Variants in ADGRV1 observed in about 807,000 individuals in gnomAD.
ADGRV1 encodes G-protein coupled receptor 98.
Under a neutral mutation model 596.2 loss-of-function variants are expected in ADGRV1, and 359 were observed. That is an observed-to-expected ratio of 0.60 (90% confidence interval 0.55 to 0.66). The LOEUF is 0.66. Among genes scored for constraint, ADGRV1 ranks in the 30% least tolerant of loss-of-function variants. ADGRV1 has a pLI of 0.00. For synonymous variants in ADGRV1, 2,681 were observed against 2,679.2 expected, an observed-to-expected ratio of 1.00 and a Z score of -0.02; for missense variants, 7,274 against 7,575.6, an observed-to-expected ratio of 0.96 and a Z score of 1.48.
chr5:90,653,153 T>G, intron 19 of ADGRV1, 56 bp from the exon 20 acceptor site: 1 of 1,431,564 alleles, frequency 7.0e-7, no homozygotes, highest in Non-Finnish European at 9.3e-7. Flanking sequence ...TTCTTCACAT[T>G]ATACTAGAAA....
intron 73 of ADGRV1, among the ~76,000 whole-genome samples, chr5:90,808,282 G>A (rs1486145601): frequency 3.3e-5 from 5 of 152,170 alleles, no homozygotes. Flanking sequence ...GACTCGACCA[G>A]AGCAGCAGAG....
In ADGRV1 at chr5:90,635,262, A is replaced by G; in HGVS notation, c.1988A>G (p.His663Arg). The change falls in exon 10 of 90, where the codon CAT (histidine) becomes CGT (arginine). Residue 663 changes from histidine to arginine, a missense_variant. By Grantham distance (29) the His-to-Arg change is conservative. Coordinates refer to ENST00000405460, the MANE Select transcript of ADGRV1 (RefSeq NM_032119.4). ...GFLSNLPIILHEPEDFAAEVV... is the reference protein window; with the variant it reads ...GFLSNLPIILREPEDFAAEVV... ...CTCAGCAATCTTCCAATTATTTTGC[A>G]TGAACCAGAAGATTTTGCTGCTGAA... 4 of 1,612,674 alleles carry G rather than the reference A, an allele frequency of 2.5e-6. No homozygotes were observed. The highest frequency in any genetic ancestry group is 3.4e-6 in the Non-Finnish European group (4 of 1,179,360).
intron 7 of ADGRV1, 29 bp downstream of exon 7, chr5:90,627,805 C>G: frequency 7.8e-7 from 1 of 1,285,798 alleles, no homozygotes; most frequent in African/African-American, 1.5e-5. Context: ...ATATTGCTAC[C>G]ATTATTTTAT....
chr5:90,753,700 T>G lies in ADGRV1; in HGVS notation c.11248T>G (p.Ser3750Ala). The change falls in exon 54 of 90, where the codon TCA (serine) becomes GCA (alanine). Residue 3750 changes from serine (S) to alanine (A), a missense_variant. Coordinates refer to ENST00000405460, the MANE Select transcript of ADGRV1 (RefSeq NM_032119.4). The part of the protein sequence containing the change: ...TRITTEGVED[S>A]YKGATIDQDR... ...TATCACCACAGAAGGGGTTGAGGAC[T>G]CATACAAAGGTGCTACTATTGATCA... 3 of 1,613,736 alleles carry G rather than the reference T, an allele frequency of 1.9e-6. No homozygotes were observed. The highest frequency in any genetic ancestry group is 2.2e-5 in the South Asian group (2 of 91,074).
intron 83 of ADGRV1, among the ~76,000 whole-genome samples, chr5:90,927,936 C>G (rs1311619439): frequency 6.6e-6 from 1 of 152,112 alleles, no homozygotes; most frequent in East Asian, 1.9e-4. Context: ...AAATTCTTTT[C>G]TTTAAGAATG....
At position 90,614,937 on chromosome 5, in the gene ADGRV1, T is replaced by A. The variant is rs1330262216; in HGVS notation, c.125T>A (p.Val42Asp). The change falls in exon 2 of 90, where the codon GTT becomes GAT. Residue 42 changes from valine to aspartate, a missense_variant. Coordinates refer to ENST00000405460, the MANE Select transcript of ADGRV1 (RefSeq NM_032119.4). ...AGATTTACTGGACAAACTGAATTTG[T>A]TGTTAATGAAACAAGTACAACAGTT... Reference protein sequence around the residue: ...EIRFTGQTEFVVNETSTTVIR... With the variant: ...EIRFTGQTEFDVNETSTTVIR... 1 of 1,599,630 alleles carries A rather than the reference T, an allele frequency of 6.3e-7. No homozygotes were observed. The highest frequency in any genetic ancestry group is 1.3e-5 in the African/African-American group (1 of 74,724).
intron 34 of ADGRV1, among the ~76,000 whole-genome samples, chr5:90,702,205 A>G (rs963313721): frequency 6.6e-6 from 1 of 151,928 alleles, no homozygotes; most frequent in Non-Finnish European, 1.5e-5. Context: ...TTTGTTCACA[A>G]GTTTTACAAA....
intron 83 of ADGRV1, among the ~76,000 whole-genome samples, chr5:90,944,236 G>C (rs1381825869): frequency 6.6e-6 from 1 of 152,076 alleles, no homozygotes; most frequent in African/African-American, 2.4e-5. Context: ...GGTTGGAATT[G>C]CTAGTCTTTA....
At chr5:91,048,517 C>G (rs1253411958) in intron 85 of ADGRV1, among the ~76,000 whole-genome samples, 1 of 152,202 alleles carries the variant, frequency 6.6e-6, no homozygotes, top group African/African-American at 2.4e-5. Context: ...CCCTTCCCCT[C>G]AGCTCCAGGG....
At chr5:90,735,202 A>G (rs1753065655) in intron 50 of ADGRV1, among the ~76,000 whole-genome samples, 1 of 152,202 alleles carries the variant, frequency 6.6e-6, no homozygotes, top group Non-Finnish European at 1.5e-5. Flanking sequence ...TTGGTATGAA[A>G]TAATGGATCT....
intron 52 of ADGRV1, among the ~76,000 whole-genome samples, chr5:90,748,539 T>A (rs752822097): frequency 4.6e-5 from 7 of 152,168 alleles, no homozygotes; most frequent in Non-Finnish European, 8.8e-5. Flanking sequence ...AACTGGTCAA[T>A]AGCCACATGT....
At chr5:90,682,255 C>T (rs910607861) in intron 27 of ADGRV1, among the ~76,000 whole-genome samples, 12 of 152,036 alleles carry the variant, frequency 7.9e-5, no homozygotes, top group African/African-American at 2.2e-4. Flanking sequence ...ATCTTCTTGG[C>T]GGAGGGAAAT....
Position 90,862,195 on chromosome 5 carries a change from GA to G in ADGRV1, c.17756-1556del, listed in dbSNP as rs536569877. On this transcript the variant is annotated intron_variant, in intron 82 of 89. Coordinates refer to ENST00000405460, the MANE Select transcript of ADGRV1 (RefSeq NM_032119.4). ...ATAAGTAAGCTCTTCTTGTGCACTA[GA>G]AAAAAGTTGACTTGTGTATGTCTCC... is the stretch of plus-strand genomic sequence containing the variant. 8.5e-5 allele frequency among the ~76,000 whole-genome samples: 13 copies of G among 152,286 alleles called. No homozygotes were observed. The South Asian group carries it at 2.7e-3, about 32-fold the overall frequency.
intron 1 of ADGRV1, among the ~76,000 whole-genome samples, 156 bp downstream of exon 1, chr5:90,559,073 G>A (rs1754459417): frequency 6.6e-6 from 1 of 152,068 alleles, no homozygotes; most frequent in South Asian, 2.1e-4. Context: ...CGGCGCCGCG[G>A]CCTGCGGGTA....
At chr5:90,919,994 C>CAAAAAAAA (rs59122926) in intron 83 of ADGRV1, among the ~76,000 whole-genome samples, 4 of 80,080 alleles carry the variant, frequency 5.0e-5, no homozygotes, top group Non-Finnish European at 7.4e-5. Context: ...AACTCCATCT[C>CAAAAAAAA]AAAAAAAAAA....
chr5:90,587,649 C>T (rs991010544), intron 1 of ADGRV1, among the ~76,000 whole-genome samples: 1 of 151,226 alleles, frequency 6.6e-6, no homozygotes, highest in African/African-American at 2.4e-5. Context: ...CTCTGCCTCC[C>T]AGGTTCAAGC....
At chr5:90,699,766 C>T (rs148168493) in intron 34 of ADGRV1, among the ~76,000 whole-genome samples, 452 of 152,266 alleles carry the variant, frequency 3.0e-3, no homozygotes, top group African/African-American at 9.9e-3. Context: ...CACCTACAGT[C>T]TGTTTGGCCC....
In ADGRV1 at chr5:91,041,411, T is replaced by G. The variant is rs1785338615; in HGVS notation, c.18153-31036T>G. ...ACAGAAAACCAAACACCACATGTTC[T>G]CACTCATAAGTGGGAGTTGAACAAT... On this transcript the variant is annotated intron_variant, in intron 85 of 89. Coordinates refer to ENST00000405460, the MANE Select transcript of ADGRV1 (RefSeq NM_032119.4). Among the ~76,000 whole-genome samples, 4 of 151,964 alleles carry G rather than the reference T, an allele frequency of 2.6e-5. No homozygotes were observed. In the South Asian group the frequency reaches 6.2e-4, roughly 24 times the overall value.
chr5:90,811,738 T>C (rs971622593), intron 74 of ADGRV1, among the ~76,000 whole-genome samples: 2 of 152,098 alleles, frequency 1.3e-5, no homozygotes, highest in African/African-American at 4.8e-5. Flanking sequence ...TTTTTTTTTT[T>C]TTTCTGTTAC....
Sources: allele counts gnomAD v4.1 joint callset (sites outside exome capture counted in the v4.1 genomes callset), GRCh38; gene constraint gnomAD v4.1.1; transcripts MANE v1.5; gene names NCBI Gene and HGNC (gene_info 2026-07-23, HGNC 2026-07-21).